KLF12: variants seen among roughly 807,000 people sequenced by gnomAD.
KLF12 encodes the protein Krueppel-like factor 12.
In KLF12, 9 loss-of-function variants were observed where a neutral mutation model predicts 37.8. The ratio of observed to expected loss-of-function variants is 0.24; its 90% CI spans 0.14 to 0.42. The LOEUF (loss-of-function observed/expected upper bound fraction) is 0.42. Ranked by LOEUF, KLF12 falls within the 10% of genes least tolerant of loss-of-function variation. The pLI, the probability that KLF12 is intolerant of heterozygous loss-of-function variation, is 1.00. For synonymous variants in KLF12, 208 were observed against 202.1 expected, an observed-to-expected ratio of 1.03 and a Z score of -0.25; for missense variants, 411 against 516.0, an observed-to-expected ratio of 0.80 and a Z score of 1.97.
At chr13:73,921,048 C>A (rs1424795510) in intron 3 of KLF12, among the ~76,000 whole-genome samples, 1 of 152,150 alleles carries the variant, frequency 6.6e-6, no homozygotes, top group East Asian at 1.9e-4. Flanking sequence ...GACACCACAC[C>A]CATAACTCAG....
the KLF12 span, among the ~76,000 whole-genome samples, chr13:74,273,746 C>A: frequency 2.4e-4 from 37 of 152,082 alleles, 1 homozygote; most frequent in Admixed American, 2.4e-3. Flanking sequence ...AGACTCACAG[C>A]TTTCTGGGAA....
chr13:73,985,643 C>T (rs977953321), intron 2 of KLF12, among the ~76,000 whole-genome samples: 6 of 152,160 alleles, frequency 3.9e-5, no homozygotes, highest in Non-Finnish European at 8.8e-5. Flanking sequence ...TGTCAAGCGG[C>T]CTTTCATTTT....
intron 1 of KLF12, among the ~76,000 whole-genome samples, chr13:74,076,753 C>T (rs982867209): frequency 6.6e-6 from 1 of 152,082 alleles, no homozygotes; most frequent in Non-Finnish European, 1.5e-5. Context: ...AGGTATTAAG[C>T]CCAGCACCCA....
the KLF12 span, among the ~76,000 whole-genome samples, chr13:74,230,909 G>A: frequency 3.9e-5 from 6 of 152,024 alleles, no homozygotes; most frequent in Non-Finnish European, 8.8e-5. Flanking sequence ...TTCATTAAAC[G>A]TTGTCTGTGC....
rs138421512 is a variant in KLF12 at position 73,872,090 on chromosome 13, C to T, written c.124-25717G>A. On this transcript the variant is annotated intron_variant, in intron 3 of 7. Coordinates refer to ENST00000377669, the MANE Select transcript of KLF12 (RefSeq NM_007249.5). ...AAGCTATTTCCTGGAGGATGGAAGA[C>T]GGCCACGTGCTTGGGTCCTGTGCCT... 2.2e-3 allele frequency among the ~76,000 whole-genome samples: 333 copies of T among 152,242 alleles called. 1 individual carries two copies. Among genetic ancestry groups the T allele is most frequent in the Non-Finnish European group, 2.4e-3 (165 of 68,012 alleles).
At chr13:73,922,313 C>A (rs534536797) in intron 3 of KLF12, among the ~76,000 whole-genome samples, 18 of 152,192 alleles carry the variant, frequency 1.2e-4, no homozygotes, top group African/African-American at 3.6e-4. Flanking sequence ...ACAGATACTC[C>A]TGGTCATAAA....
intron 3 of KLF12, among the ~76,000 whole-genome samples, chr13:73,870,225 G>A (rs1827449217): frequency 6.6e-6 from 1 of 152,108 alleles, no homozygotes; most frequent in South Asian, 2.1e-4. Context: ...AGAGCACAGC[G>A]TCAGTTTTCC....
intron 1 of KLF12, among the ~76,000 whole-genome samples, chr13:74,043,109 A>G (rs996549477): frequency 6.6e-6 from 1 of 152,238 alleles, no homozygotes; most frequent in Non-Finnish European, 1.5e-5. Flanking sequence ...TTCATGAGAT[A>G]CTATGTTTTC....
the KLF12 span, among the ~76,000 whole-genome samples, chr13:74,217,990 T>C: frequency 1.3e-5 from 2 of 152,154 alleles, no homozygotes; most frequent in African/African-American, 4.8e-5. Context: ...TGGTTGTAAA[T>C]GGACAGTGAT....
At chr13:73,977,493 T>C (rs1394512658) in intron 2 of KLF12, among the ~76,000 whole-genome samples, 6 of 152,214 alleles carry the variant, frequency 3.9e-5, no homozygotes, top group Non-Finnish European at 7.3e-5. Flanking sequence ...TAATTTAGTA[T>C]AGTGGTTTAA....
the KLF12 span, among the ~76,000 whole-genome samples, chr13:74,246,360 TTCTG>T: frequency 6.6e-6 from 1 of 152,194 alleles, no homozygotes; most frequent in Non-Finnish European, 1.5e-5. Context: ...TACCCTACTT[TTCTG>T]TCTTTTAGGA....
At chr13:73,736,417 A>G (rs774004937) in intron 6 of KLF12, among the ~76,000 whole-genome samples, 14 of 152,174 alleles carry the variant, frequency 9.2e-5, no homozygotes, top group African/African-American at 1.7e-4. Context: ...AGCTACCTAT[A>G]TAAACTATAG....
intron 5 of KLF12, among the ~76,000 whole-genome samples, chr13:73,809,910 A>C (rs1453247633): frequency 6.6e-6 from 1 of 152,192 alleles, no homozygotes; most frequent in East Asian, 1.9e-4. Flanking sequence ...TGTAATAATA[A>C]TAAAGACAGG....
At chr13:74,132,159 T>C (rs1029392215) in intron 1 of KLF12, among the ~76,000 whole-genome samples, 2 of 152,172 alleles carry the variant, frequency 1.3e-5, no homozygotes, top group Admixed American at 6.5e-5. Context: ...TAAATAAATG[T>C]CAGTTCTAAA....
At chr13:74,239,190 C>T in the KLF12 span, among the ~76,000 whole-genome samples, 10 of 150,676 alleles carry the variant, frequency 6.6e-5, no homozygotes, top group African/African-American at 9.8e-5. Flanking sequence ...GCCTTCATTT[C>T]GTTATGTACC....
intron 1 of KLF12, among the ~76,000 whole-genome samples, chr13:74,003,560 G>A (rs974291175): frequency 3.3e-5 from 5 of 152,106 alleles, no homozygotes; most frequent in African/African-American, 1.2e-4. Flanking sequence ...GGATTTATTA[G>A]GCATGCTAAG....
intron 6 of KLF12, among the ~76,000 whole-genome samples, chr13:73,731,078 C>G (rs1275395145): frequency 6.6e-6 from 1 of 152,064 alleles, no homozygotes; most frequent in Non-Finnish European, 1.5e-5. Context: ...CTACCTGAAC[C>G]AAAGTAGTGT....
At chr13:74,137,321 A>G (rs1878591163), upstream of KLF12, among the ~76,000 whole-genome samples, 1 of 152,234 alleles carries the variant, frequency 6.6e-6, no homozygotes, top group South Asian at 2.1e-4. Flanking sequence ...TTGGGGGTTG[A>G]AAGTATCTGT....
chr13:74,302,378 G>T, the KLF12 span, among the ~76,000 whole-genome samples: 1 of 152,148 alleles, frequency 6.6e-6, no homozygotes, highest in South Asian at 2.1e-4. Context: ...GTGTTGGTTA[G>T]CATGTCACCT....
Sources: allele counts gnomAD v4.1 joint callset (sites outside exome capture counted in the v4.1 genomes callset), GRCh38; gene constraint gnomAD v4.1.1; transcripts MANE v1.5; gene names NCBI Gene and HGNC (gene_info 2026-07-23, HGNC 2026-07-21).